KIAA1217: variants seen among roughly 807,000 people sequenced by gnomAD.
KIAA1217 encodes sickle tail protein homolog.
In KIAA1217, 88 loss-of-function variants were observed where a neutral mutation model predicts 163.9. The ratio of observed to expected loss-of-function variants is 0.54; its 90% confidence interval spans 0.45 to 0.64. The LOEUF (loss-of-function observed/expected upper bound fraction) is 0.64, where lower values mean the gene tolerates loss of function less well. Ranked by LOEUF, KIAA1217 falls within the 30% of genes least tolerant of loss-of-function variation. The probability of loss-of-function intolerance (pLI) is 0.00; values close to 1 mark genes in which losing one functional copy is unlikely to be tolerated. For missense variants in KIAA1217, 2,372 were observed against 2,475.0 expected (o/e 0.96, Z 0.88); for synonymous variants, 903 against 923.1 (o/e 0.98, Z 0.39).
At chr10:24,522,962 A>C (rs1172499210) in intron 12 of KIAA1217, among the ~76,000 whole-genome samples, 2 of 150,042 alleles carry the variant, frequency 1.3e-5, no homozygotes, top group Non-Finnish European at 3.0e-5. Context: ...GAGACAGAGC[A>C]TGAAGTCAGC....
intron 1 of KIAA1217, among the ~76,000 whole-genome samples, chr10:23,789,550 T>A (rs1441188526): frequency 6.6e-6 from 1 of 152,116 alleles, no homozygotes; most frequent in Non-Finnish European, 1.5e-5. Context: ...CACAGGGTAT[T>A]AATGAGGATT....
At chr10:23,763,379 T>C (rs890113909) in intron 1 of KIAA1217, among the ~76,000 whole-genome samples, 1 of 152,110 alleles carries the variant, frequency 6.6e-6, no homozygotes, top group Non-Finnish European at 1.5e-5. Flanking sequence ...AAGGCTACAG[T>C]AACCAAAACA....
chr10:23,916,902 T>C (rs1056186126), intron 1 of KIAA1217, among the ~76,000 whole-genome samples: 3 of 146,130 alleles, frequency 2.1e-5, no homozygotes, highest in African/African-American at 7.8e-5. Flanking sequence ...AAACAGGGAG[T>C]TGGAGGTTGC....
rs530893950 is a variant in KIAA1217 at position 24,445,715 on chromosome 10, A to C, written c.846+7236A>C. On this transcript the variant is annotated intron_variant, in intron 5 of 20. Transcript: ENST00000376454. ...TCCCTACAAAGGACATGAACTCATC[A>C]TTTTTTATGGCTGCATAGTATTCCA... Among the ~76,000 whole-genome samples, 25 of 151,842 alleles carry C rather than the reference A, an allele frequency of 1.6e-4. No homozygotes were observed. In the East Asian group the frequency reaches 3.3e-3, roughly 20 times the overall value.
intron 2 of KIAA1217, among the ~76,000 whole-genome samples, chr10:24,060,149 T>C (rs2060668202): frequency 6.9e-6 from 1 of 145,064 alleles, no homozygotes. Context: ...ATCTCATTGA[T>C]TTTTTTTCCT....
intron 5 of KIAA1217, chr10:24,466,429 C>A: frequency 1.5e-6 from 1 of 651,144 alleles, no homozygotes; most frequent in Non-Finnish European, 1.9e-6. Flanking sequence ...ACTGAGTCAC[C>A]CGTGAGGTAG....
intron 2 of KIAA1217, among the ~76,000 whole-genome samples, chr10:24,336,419 C>A (rs772255744): frequency 2.6e-5 from 4 of 152,164 alleles, no homozygotes; most frequent in Non-Finnish European, 1.5e-5. Context: ...TTGAGAAATA[C>A]CTTTTCTACA....
chr10:24,530,690 G>A (rs572338625), intron 14 of KIAA1217, among the ~76,000 whole-genome samples: 1 of 152,046 alleles, frequency 6.6e-6, no homozygotes, highest in African/African-American at 2.4e-5. Flanking sequence ...TTGAAGCCAG[G>A]ACTTCAAGAG....
intron 1 of KIAA1217, among the ~76,000 whole-genome samples, chr10:23,911,369 G>A (rs911929871): frequency 1.3e-5 from 2 of 152,148 alleles, no homozygotes; most frequent in African/African-American, 4.8e-5. Flanking sequence ...TACCCCGTAG[G>A]GGCTTTGAAT....
chr10:23,790,059 A>G (rs916370475), intron 1 of KIAA1217, among the ~76,000 whole-genome samples: 1 of 118,130 alleles, frequency 8.5e-6, no homozygotes, highest in Non-Finnish European at 1.7e-5. Context: ...ATACACATAT[A>G]CACATATGCA....
intron 2 of KIAA1217, among the ~76,000 whole-genome samples, chr10:24,269,210 TAAAAAAA>T (rs59746609): frequency 1.7e-4 from 15 of 87,072 alleles, no homozygotes; most frequent in Admixed American, 8.1e-4. Context: ...AAAGTATAAT[TAAAAAAA>T]AAAAAAAAAA....
At chr10:24,077,665 A>G (rs982017751) in intron 2 of KIAA1217, among the ~76,000 whole-genome samples, 2 of 152,244 alleles carry the variant, frequency 1.3e-5, no homozygotes, top group African/African-American at 4.8e-5. Flanking sequence ...TCTTTGTGAT[A>G]CAATGATTCA....
At chr10:24,104,417 G>T (rs1281590172) in intron 2 of KIAA1217, among the ~76,000 whole-genome samples, 1 of 152,116 alleles carries the variant, frequency 6.6e-6, no homozygotes, top group East Asian at 1.9e-4. Flanking sequence ...CCGCCAATTT[G>T]ATTCCAAATA....
intron 2 of KIAA1217, among the ~76,000 whole-genome samples, chr10:24,335,135 G>A (rs766797579): frequency 1.8e-4 from 28 of 152,042 alleles, no homozygotes; most frequent in Non-Finnish European, 2.9e-4. Flanking sequence ...ATTACGCTAT[G>A]GGAAAAAAGC....
At chr10:24,135,669 T>TG (rs2063805593) in intron 2 of KIAA1217, among the ~76,000 whole-genome samples, 1 of 151,448 alleles carries the variant, frequency 6.6e-6, no homozygotes, top group African/African-American at 2.4e-5. Flanking sequence ...GAGCAAGGGG[T>TG]GGGACATTCA....
intron 2 of KIAA1217, among the ~76,000 whole-genome samples, chr10:24,059,647 G>A (rs1385429948): frequency 6.6e-6 from 1 of 152,078 alleles, no homozygotes; most frequent in Non-Finnish European, 1.5e-5. Context: ...GCGTGATCTT[G>A]GCTCACTGCA....
At position 23,931,418 on chromosome 10, in the gene KIAA1217, G is replaced by A. The variant is rs529084855; in HGVS notation, c.-320-75807G>A. ...TTCACCCCTGTACCTAAATTGACCTGGAGAAAGAAGAGTCACTGTGTCAAG... is the reference window on the plus strand; with the variant it reads ...TTCACCCCTGTACCTAAATTGACCTAGAGAAAGAAGAGTCACTGTGTCAAG... On this transcript the variant is annotated intron_variant, in intron 1 of 18. Coordinates refer to the KIAA1217 transcript ENST00000376462. Among the ~76,000 whole-genome samples, 4 of 152,252 alleles carry A rather than the reference G, an allele frequency of 2.6e-5. No homozygotes were observed. In the South Asian group the frequency reaches 6.2e-4, roughly 24 times the overall value.
intron 2 of KIAA1217, among the ~76,000 whole-genome samples, chr10:24,364,050 C>T (rs2050402654): frequency 6.6e-6 from 1 of 151,096 alleles, no homozygotes; most frequent in Non-Finnish European, 1.5e-5. Flanking sequence ...GCAGTCTTGG[C>T]TCGCCGCAAC....
chr10:23,951,616 G>A (rs1009442631), intron 1 of KIAA1217, among the ~76,000 whole-genome samples: 2 of 151,368 alleles, frequency 1.3e-5, no homozygotes, highest in South Asian at 4.2e-4. Context: ...TTGTACCACT[G>A]CACTCCAGCC....
Sources: allele counts gnomAD v4.1 joint callset (sites outside exome capture counted in the v4.1 genomes callset), GRCh38; gene constraint gnomAD v4.1.1; transcripts MANE v1.5; gene names NCBI Gene and HGNC (gene_info 2026-07-23, HGNC 2026-07-21).